The following SLC25A51 variants were observed in gnomAD, a reference collection of about 807,000 sequenced individuals.
SLC25A51 encodes the protein mitochondrial nicotinamide adenine dinucleotide transporter SLC25A51.
Under a neutral mutation model 19.1 loss-of-function variants are expected in SLC25A51, and 11 were observed. That is an observed-to-expected ratio of 0.58 (90% CI 0.36 to 0.96). The LOEUF is 0.96. SLC25A51 is among the 40% of genes least tolerant of loss of function. SLC25A51 has a pLI of 0.01. For missense variants in SLC25A51, 201 were observed against 365.4 expected (o/e 0.55, Z 3.67); for synonymous variants, 105 against 133.6 (o/e 0.79, Z 1.47).
intron 2 of SLC25A51, among the ~76,000 whole-genome samples, chr9:37,895,407 C>T (rs1831696054): frequency 6.7e-6 from 1 of 150,162 alleles, no homozygotes; most frequent in Admixed American, 6.7e-5. Flanking sequence ...GTTATGTTAG[C>T]CAGGCTGGTC....
At chr9:37,886,188 T>C (rs1363505053), downstream of SLC25A51, 12 of 1,510,284 alleles carry the variant, frequency 7.9e-6, no homozygotes, top group Non-Finnish European at 1.1e-5. Context: ...AAGAAGGTAA[T>C]GCGGCAGCCA....
At chr9:37,893,878 G>T (rs917182116) in intron 2 of SLC25A51, among the ~76,000 whole-genome samples, 1 of 152,010 alleles carries the variant, frequency 6.6e-6, no homozygotes, top group African/African-American at 2.4e-5. Flanking sequence ...GGCCTACTCG[G>T]GTCTCTTCTC....
downstream of SLC25A51, chr9:37,886,205 G>A (rs1831453451): frequency 6.4e-7 from 1 of 1,558,262 alleles, no homozygotes. Flanking sequence ...GCCACAGACT[G>A]ACAAGAAAGG....
chr9:37,889,006 T>G (rs976213398), intron 2 of SLC25A51, among the ~76,000 whole-genome samples: 3 of 152,258 alleles, frequency 2.0e-5, no homozygotes, highest in African/African-American at 7.2e-5. Context: ...ACATGTAATG[T>G]GTTTATCATT....
chr9:37,890,850 A>G (rs1028891608), intron 2 of SLC25A51, among the ~76,000 whole-genome samples: 1 of 152,208 alleles, frequency 6.6e-6, no homozygotes, highest in African/African-American at 2.4e-5. Flanking sequence ...CATATTTAAG[A>G]GTTTCAATGG....
At chr9:37,879,095 G>T, downstream of SLC25A51, 1 of 356,090 alleles carries the variant, frequency 2.8e-6, no homozygotes, top group Non-Finnish European at 5.7e-6. Flanking sequence ...CAAGGCCTGT[G>T]GAAATTTTGG....
chr9:37,893,995 C>T (rs1017620021), intron 2 of SLC25A51, among the ~76,000 whole-genome samples: 1 of 151,972 alleles, frequency 6.6e-6, no homozygotes, highest in Non-Finnish European at 1.5e-5. Context: ...TAAAAAGAAA[C>T]ACACACACAC....
At position 37,887,635 on chromosome 9, in the gene SLC25A51, T is replaced by C. The variant is rs1471815979; in HGVS notation, c.*22A>G. On this transcript the variant is annotated 3_prime_UTR_variant, in exon 3 of 3. Coordinates refer to ENST00000242275, the MANE Select transcript of SLC25A51 (RefSeq NM_033412.4). Reference sequence around the variant, plus strand: ...TTAGAAGGTCTATTCAGTTGATAAATGGCACTTAACTGATGGTTTTTTCAT... The same window carrying C: ...TTAGAAGGTCTATTCAGTTGATAAACGGCACTTAACTGATGGTTTTTTCAT... 24 of 1,586,714 alleles carry C rather than the reference T, an allele frequency of 1.5e-5. No homozygotes were observed. The highest frequency in any genetic ancestry group is 1.7e-4 in the Middle Eastern group (1 of 5,874).
At chr9:37,903,735 C>T (rs1255915128) in intron 1 of SLC25A51, 2 of 152,308 alleles carry the variant, frequency 1.3e-5, no homozygotes, top group Non-Finnish European at 2.9e-5. Flanking sequence ...TCCTCCCCGC[C>T]CCTGCGGTTC....
At chr9:37,886,116 A>T (rs1831451033), downstream of SLC25A51, 2 of 1,466,624 alleles carry the variant, frequency 1.4e-6, no homozygotes, top group Non-Finnish European at 1.9e-6. Context: ...AGTACGCGGT[A>T]CAAAGTGAGC....
At chr9:37,896,124 G>A (rs540455136) in intron 2 of SLC25A51, among the ~76,000 whole-genome samples, 5 of 152,028 alleles carry the variant, frequency 3.3e-5, no homozygotes, top group African/African-American at 9.7e-5. Flanking sequence ...GAATTATCAC[G>A]TATACTGTAA....
intron 2 of SLC25A51, among the ~76,000 whole-genome samples, chr9:37,899,256 A>G (rs1019377492): frequency 6.6e-6 from 1 of 152,058 alleles, no homozygotes; most frequent in Non-Finnish European, 1.5e-5. Flanking sequence ...GTGATTACTC[A>G]CTCTTGCAAT....
chr9:37,886,217 C>T (rs914441113), downstream of SLC25A51: 42 of 1,574,080 alleles, frequency 2.7e-5, no homozygotes, highest in South Asian at 7.8e-5. Flanking sequence ...CAAGAAAGGA[C>T]GGGCTGTCTC....
chr9:37,891,848 T>TAA (rs5897703), intron 2 of SLC25A51, among the ~76,000 whole-genome samples: 2,024 of 87,660 alleles, frequency 0.023, 27 homozygotes, highest in African/African-American at 0.034. Context: ...CCAAGAATGA[T>TAA]AAAAAAAAAA....
At chr9:37,883,363 A>G (rs1278502661), downstream of SLC25A51, among the ~76,000 whole-genome samples, 1 of 152,276 alleles carries the variant, frequency 6.6e-6, no homozygotes, top group Non-Finnish European at 1.5e-5. Context: ...AAAGAGTGAC[A>G]AAGAAATAAA....
downstream of SLC25A51, chr9:37,885,614 CAAT>C: frequency 1.3e-6 from 1 of 768,898 alleles, no homozygotes; most frequent in Non-Finnish European, 2.3e-6. Flanking sequence ...TTTTTGGCAA[CAAT>C]AATACGGCGC....
At chr9:37,895,074 T>G (rs773199007) in intron 2 of SLC25A51, among the ~76,000 whole-genome samples, 3 of 152,240 alleles carry the variant, frequency 2.0e-5, no homozygotes, top group Non-Finnish European at 4.4e-5. Flanking sequence ...AGTGCTGCAG[T>G]GAACATGGCT....
chr9:37,883,029 G>C (rs112165857), downstream of SLC25A51, among the ~76,000 whole-genome samples: 2,133 of 152,312 alleles, frequency 0.014, 53 homozygotes, highest in African/African-American at 0.049. Context: ...ATTTTTAGTA[G>C]AGATGGGGTT....
chr9:37,903,642 G>A (rs1049292513), intron 1 of SLC25A51: 3 of 152,298 alleles, frequency 2.0e-5, no homozygotes, highest in African/African-American at 7.2e-5. Context: ...CCCGAGGTGA[G>A]GCCGAAATCC....
Sources: allele counts gnomAD v4.1 joint callset (sites outside exome capture counted in the v4.1 genomes callset), GRCh38; gene constraint gnomAD v4.1.1; transcripts MANE v1.5; gene names NCBI Gene and HGNC (gene_info 2026-07-23, HGNC 2026-07-21).